The following EXOSC2 variants were observed in gnomAD, a reference collection of about 807,000 sequenced individuals.
EXOSC2 encodes the protein exosome component 2, also known as exosome complex component RRP4.
In EXOSC2, 29 loss-of-function variants were observed where a neutral mutation model predicts 37.6. That is an observed-to-expected ratio of 0.77 (90% confidence interval 0.57 to 1.05). The LOEUF is 1.05. EXOSC2 is among the 50% of genes least tolerant of loss of function. The pLI, the probability that EXOSC2 is intolerant of heterozygous loss-of-function variation, is 0.00. For missense variants in EXOSC2, 346 were observed against 365.6 expected (o/e 0.95, Z 0.44); for synonymous variants, 119 against 131.1 (o/e 0.91, Z 0.63).
Position 130,698,158 on chromosome 9 carries a change from A to G in EXOSC2, c.271-4A>G, listed in dbSNP as rs184826095. 542 of 1,613,856 alleles carry G rather than the reference A, an allele frequency of 3.4e-4. 1 individual carries two copies. In the African/African-American group the frequency reaches 6.5e-3, roughly 19 times the overall value. On this transcript the variant is annotated splice_region_variant and splice_polypyrimidine_tract_variant and intron_variant, in intron 3 of 8. Coordinates refer to ENST00000372358, the MANE Select transcript of EXOSC2 (RefSeq NM_014285.7). The surrounding 1 kb of genome is among the most constrained non-coding windows in gnomAD (Gnocchi z 4.1). ...TGTGTCCAGGTGTGGAACTTGGCTT[A>G]TAGGTTCAACAGAAGAGGTGGAAGG...
chr9:130,698,745 G>A lies in EXOSC2; in HGVS notation c.360+494G>A, dbSNP rs1831150299. Among the ~76,000 whole-genome samples, 1 of 152,202 alleles carries A rather than the reference G, an allele frequency of 6.6e-6. No individual in the cohort carries two copies. The highest frequency in any genetic ancestry group is 6.5e-5 in the Admixed American group (1 of 15,280). ...CTTCAGTCCAGCGTGTATTTACAGA[G>A]AGGCTTACTGTGCCAAGCTCTGTGC... On this transcript the variant is annotated intron_variant, in intron 4 of 8. Coordinates refer to ENST00000372358, the MANE Select transcript of EXOSC2 (RefSeq NM_014285.7). The surrounding 1 kb of genome is among the most constrained non-coding windows in gnomAD (Gnocchi z 4.1).
chr9:130,695,707 G>A, intron 2 of EXOSC2, 114 bp downstream of exon 2: 1 of 869,866 alleles, frequency 1.1e-6, no homozygotes, highest in East Asian at 2.6e-5. Context: ...CATGCTGTAA[G>A]TCTGAGGTTT....
rs376591547 is a variant in EXOSC2, at chr9:130,693,803, G to A, written c.12G>A (p.Glu4=). The A allele has an allele frequency of 1.2e-6, 2 of 1,608,068 alleles. No homozygotes were observed. Among genetic ancestry groups the A allele is most frequent in the East Asian group, 2.2e-5 (1 of 44,570 alleles). The part of the protein sequence containing the change: MAM[E]MRLPVARKPL... ...TCATTGGCGCCAAGATGGCGATGGA[G>A]ATGAGGCTTCCAGTGGCTCGCAAGC... Residue 4 remains glutamate (E), a synonymous_variant, in exon 1 of 9, where the codon GAG becomes GAA. Transcript: ENST00000372358.
chr9:130,696,920 G>T (rs1831109115), intron 2 of EXOSC2, among the ~76,000 whole-genome samples: 1 of 152,094 alleles, frequency 6.6e-6, no homozygotes, highest in Non-Finnish European at 1.5e-5. Context: ...GGACTGGAGG[G>T]GGCTGCGGGA....
At position 130,698,303 on chromosome 9, in the gene EXOSC2, C is replaced by T. The variant is rs1488221192; in HGVS notation, c.360+52C>T. ...CTAGGGCCCAGTGGGCTGGGGGGAG[C>T]CGTGGGACCCTTTGTTCCACCAGAG... On this transcript the variant is annotated intron_variant, in intron 4 of 8. Transcript: ENST00000372358. This position sits in a 1 kb window ranked among gnomAD's most constrained non-coding sequence, Gnocchi z 4.1. 1 of 1,527,642 alleles carries T rather than the reference C, an allele frequency of 6.5e-7. No individual in the cohort carries two copies. Among genetic ancestry groups the T allele is most frequent in the East Asian group, 2.3e-5 (1 of 44,420 alleles). 94.6% of individuals were successfully genotyped at this position (1,527,642 alleles called of 1,614,324 possible).
chr9:130,694,261 A>G lies in EXOSC2; in HGVS notation c.122+348A>G, dbSNP rs759092225. ...CTCTTTTCCAGTTTTCAGCTCTCTG[A>G]GGGGACGGTGGGCGTTCTTGGCTGC... On this transcript the variant is annotated intron_variant, in intron 1 of 8. Transcript: ENST00000372358. This position sits in a 1 kb window ranked among gnomAD's most constrained non-coding sequence, Gnocchi z 4.0. Among the ~76,000 whole-genome samples the G allele has an allele frequency of 2.6e-4, 39 of 152,064 alleles. No homozygotes were observed. The highest frequency in any genetic ancestry group is 3.4e-4 in the Non-Finnish European group (23 of 68,000).
rs181224115 is a variant in EXOSC2, at chr9:130,694,608, A to G, written c.122+695A>G. Among the ~76,000 whole-genome samples, 4 of 152,316 alleles carry G rather than the reference A, an allele frequency of 2.6e-5. No individual in the cohort carries two copies. In the East Asian group the frequency reaches 7.7e-4, roughly 29 times the overall value. ...CCATTATATCATCATAGATAACACT[A>G]GTGTTTCAACCTTTATTATTATTAT... On this transcript the variant is annotated intron_variant, in intron 1 of 8. Transcript: ENST00000372358. This position sits in a 1 kb window ranked among gnomAD's most constrained non-coding sequence, Gnocchi z 4.0.
At chr9:130,699,528 T>C in intron 5 of EXOSC2, 134 bp downstream of exon 5, 1 of 856,162 alleles carries the variant, frequency 1.2e-6, no homozygotes, top group East Asian at 2.4e-5. Context: ...AGTGTCGGGC[T>C]CTGCTGCATC....
In EXOSC2 at chr9:130,695,559, A is replaced by G. The variant is rs1831074326; in HGVS notation, c.190A>G (p.Asn64Asp). The change falls in exon 2 of 9, where the codon AAC becomes GAC. Residue 64 changes from asparagine to aspartate, a missense_variant. By Grantham distance (23) the Asn-to-Asp change is conservative. Transcript: ENST00000372358. ...TGTTGCTGGCTCTGTGGAGAGAGTA[A>G]ACAAGTTGATCTGTGTGAAAGCTTT... ...ASVAGSVERV[N>D]KLICVKALKT... The G allele has an allele frequency of 6.2e-7, 1 of 1,614,166 alleles. No individual in the cohort carries two copies. The highest frequency in any genetic ancestry group is 8.5e-7 in the Non-Finnish European group (1 of 1,180,032).
At chr9:130,697,144 G>A (rs1831114135) in intron 2 of EXOSC2, among the ~76,000 whole-genome samples, 1 of 152,148 alleles carries the variant, frequency 6.6e-6, no homozygotes, top group Admixed American at 6.5e-5. Flanking sequence ...TAGAATCGCG[G>A]GTAAGGAACT....
intron 6 of EXOSC2, 168 bp from the exon 7 acceptor site, chr9:130,701,960 GAGTCCC>G: frequency 1.4e-6 from 2 of 1,419,044 alleles, no homozygotes; most frequent in Non-Finnish European, 1.8e-6. Flanking sequence ...AATAGCCTCT[GAGTCCC>G]AAAGCGTTCT....
chr9:130,697,198 G>T (rs1034117969), intron 2 of EXOSC2, among the ~76,000 whole-genome samples: 7 of 152,226 alleles, frequency 4.6e-5, no homozygotes, highest in African/African-American at 1.4e-4. Flanking sequence ...AAGTGGAGGA[G>T]ACGTGAGCAG....
In EXOSC2 at chr9:130,702,232, TAAC is replaced by T. The variant is rs1831232751; in HGVS notation, c.598_600del (p.Asn200del). ...CATGTGGTGCCTCAGTGATTCTCGG[TAAC>T]AACGGCTTCATCTGGATTTACCCAA... On this transcript the variant is annotated inframe_deletion, in exon 7 of 9. Transcript: ENST00000372358. The T allele has an allele frequency of 6.2e-7, 1 of 1,614,170 alleles. No homozygotes were observed. The highest frequency in any genetic ancestry group is 8.5e-7 in the Non-Finnish European group (1 of 1,180,026).
At position 130,700,914 on chromosome 9, in the gene EXOSC2, G is replaced by A. The variant is rs1457002657; in HGVS notation, c.474G>A (p.Thr158=). The A allele has an allele frequency of 1.9e-5, 31 of 1,613,916 alleles. No homozygotes were observed. Among genetic ancestry groups the A allele is most frequent in the East Asian group, 1.1e-4 (5 of 44,878 alleles). The change falls in exon 6 of 9, where the codon ACG becomes ACA. Residue 158 remains threonine (T), a synonymous_variant. Coordinates refer to ENST00000372358, the MANE Select transcript of EXOSC2 (RefSeq NM_014285.7). ...CTGACGGAGCTGTCTCTTTGCACAC[G>A]AGGAGCCTGAAATATGGAAAAGTAA... The part of the protein sequence containing the change: ...VFSDGAVSLH[T]RSLKYGKLGQ...
chr9:130,695,143 C>T (rs1831065385), intron 1 of EXOSC2, among the ~76,000 whole-genome samples: 1 of 152,056 alleles, frequency 6.6e-6, no homozygotes. Flanking sequence ...ATAATAAGCG[C>T]AATGAATAAG....
Position 130,702,597 on chromosome 9 carries a change from T to G in EXOSC2, c.672+287T>G, listed in dbSNP as rs1231290274. 2.7e-5 allele frequency among the ~76,000 whole-genome samples: 4 copies of G among 148,018 alleles called. No individual in the cohort carries two copies. In the East Asian group the frequency reaches 8.0e-4, roughly 30 times the overall value. On this transcript the variant is annotated intron_variant, in intron 7 of 8. Coordinates refer to ENST00000372358, the MANE Select transcript of EXOSC2 (RefSeq NM_014285.7). ...TTTCTGTTTTTTTGTTTGTTTGTTTTGTTTTGTTTTGTTTTGAGACGGAGT... is the reference window on the plus strand; with the variant it reads ...TTTCTGTTTTTTTGTTTGTTTGTTTGGTTTTGTTTTGTTTTGAGACGGAGT...
intron 8 of EXOSC2, among the ~76,000 whole-genome samples, chr9:130,703,400 A>G (rs1219238644): frequency 6.6e-6 from 1 of 152,236 alleles, no homozygotes; most frequent in Non-Finnish European, 1.5e-5. Flanking sequence ...AGGAGGTGTC[A>G]GGTGGGACTA....
intron 2 of EXOSC2, among the ~76,000 whole-genome samples, chr9:130,696,724 C>T (rs575319136): frequency 3.3e-5 from 5 of 152,188 alleles, no homozygotes; most frequent in African/African-American, 9.6e-5. Context: ...ATTTGGATGC[C>T]TTTTATTTCC....
rs1455220679 is a variant in EXOSC2 at position 130,698,142 on chromosome 9, G to A, written c.271-20G>A. The stretch of plus-strand genomic sequence containing the variant: ...ACATGAACATGGAGCATGTGTCCAG[G>A]TGTGGAACTTGGCTTATAGGTTCAA... On this transcript the variant is annotated intron_variant, in intron 3 of 8. Transcript: ENST00000372358. The surrounding 1 kb of genome is among the most constrained non-coding windows in gnomAD (Gnocchi z 4.1). 4 of 1,608,166 alleles carry A rather than the reference G, an allele frequency of 2.5e-6. No homozygotes were observed. The highest frequency in any genetic ancestry group is 3.4e-6 in the Non-Finnish European group (4 of 1,174,746).
Sources: allele counts gnomAD v4.1 joint callset (sites outside exome capture counted in the v4.1 genomes callset), GRCh38; gene constraint gnomAD v4.1.1; non-coding constraint Gnocchi (gnomAD v3.1); transcripts MANE v1.5; gene names NCBI Gene and HGNC (gene_info 2026-07-23, HGNC 2026-07-21).